HIPK1: variants seen among roughly 807,000 people sequenced by gnomAD.
The protein encoded by HIPK1 is homeodomain interacting protein kinase 1.
Under a neutral mutation model 117.1 loss-of-function variants are expected in HIPK1, and 28 were observed. That is an observed-to-expected ratio of 0.24 (90% CI 0.18 to 0.33). The LOEUF is 0.33. HIPK1 is among the 10% of genes least tolerant of loss of function. The pLI is 1.00. For synonymous variants in HIPK1, 605 were observed against 562.5 expected (o/e 1.08, Z -1.07); for missense variants, 1,122 against 1,475.1 (o/e 0.76, Z 3.92).
intron 5 of HIPK1, among the ~76,000 whole-genome samples, chr1:113,956,419 A>G (rs1342017426): frequency 6.6e-6 from 1 of 152,150 alleles, no homozygotes; most frequent in Non-Finnish European, 1.5e-5. Context: ...GCTTTCTTCT[A>G]CCACTCAATT....
Position 113,941,334 on chromosome 1 carries a change from G to A in HIPK1, c.951G>A (p.Lys317=), listed in dbSNP as rs772087728. ...KSLGLIHADL[K]PENIMLVDPV... is the part of the protein sequence containing the mutation. ...TTGGTCTGATCCACGCTGACCTTAAGCCTGAAAACATCATGCTGGTTGATC... is the reference window on the plus strand; with the variant it reads ...TTGGTCTGATCCACGCTGACCTTAAACCTGAAAACATCATGCTGGTTGATC... Residue 317 remains lysine, a synonymous_variant, in exon 2 of 16, where the codon AAG becomes AAA. Coordinates refer to ENST00000426820, the MANE Select transcript of HIPK1 (RefSeq NM_198268.3). This position sits in a 1 kb window ranked among gnomAD's most constrained non-coding sequence, Gnocchi z 4.9. 9 of 1,614,172 alleles carry A rather than the reference G, an allele frequency of 5.6e-6. No homozygotes were observed. The highest frequency in any genetic ancestry group is 7.6e-6 in the Non-Finnish European group (9 of 1,180,030).
rs1483350149 is a variant in HIPK1, at chr1:113,962,288, C to G, written c.1982-29C>G. 5.6e-6 allele frequency: 9 copies of G among 1,608,448 alleles called. No individual in the cohort carries two copies. The Admixed American group carries it at 1.3e-4, about 24-fold the overall frequency. Reference sequence around the variant, plus strand: ...AACAGTACTCCCAGACCTTGCAAAACTATTTAACTGTGATGCTGTTTTCAA... The same window carrying G: ...AACAGTACTCCCAGACCTTGCAAAAGTATTTAACTGTGATGCTGTTTTCAA... On this transcript the variant is annotated intron_variant, in intron 8 of 15. Coordinates refer to ENST00000426820, the MANE Select transcript of HIPK1 (RefSeq NM_198268.3).
At chr1:113,955,311 C>G (rs903467717) in intron 4 of HIPK1, among the ~76,000 whole-genome samples, 2 of 152,078 alleles carry the variant, frequency 1.3e-5, no homozygotes, top group African/African-American at 4.8e-5. Context: ...TGGTAGTGTC[C>G]CCTTTTACCT....
Position 113,976,397 on chromosome 1 carries a change from G to A in HIPK1, c.*2885G>A, listed in dbSNP as rs1346136768. 6.6e-6 allele frequency: 1 copy of A among 152,332 alleles called. No homozygotes were observed. Among genetic ancestry groups the A allele is most frequent in the African/African-American group, 2.4e-5 (1 of 41,418 alleles). The allele number at this position is 152,332 out of a possible 1,614,324, so 9.4% of individuals were successfully genotyped here. ...CTAAAGGACAAATTTTTTGTTCCTT[G>A]TCTTTTTTCTGTAAGGGACAAGATT... On this transcript the variant is annotated 3_prime_UTR_variant, in exon 16 of 16. Transcript: ENST00000426820.
intron 2 of HIPK1, among the ~76,000 whole-genome samples, chr1:113,949,176 G>C (rs1246781884): frequency 6.6e-6 from 1 of 152,080 alleles, no homozygotes; most frequent in Non-Finnish European, 1.5e-5. Context: ...TTATAGAGTG[G>C]CCTGGCCATT....
In HIPK1 at chr1:113,952,768, C is replaced by G; in HGVS notation, c.1079C>G (p.Ala360Gly). The G allele has an allele frequency of 6.9e-7, 1 of 1,456,106 alleles. No individual in the cohort carries two copies. The highest frequency in any genetic ancestry group is 2.5e-5 in the Admixed American group (1 of 40,082). The allele number at this position is 1,456,106 out of a possible 1,614,324, so 90.2% of individuals were successfully genotyped here. ...CTGATATTTTTTGTTTTTGCTAGAG[C>G]TCCTGAAATTATTCTTGGGTTACCA... ...STYLQSRYYR[A>G]PEIILGLPFC... The change falls in exon 3 of 16, where the codon GCT becomes GGT. Residue 360 changes from alanine (A) to glycine (G), a missense_variant and splice_region_variant. Physicochemically the swap from Ala to Gly is moderately conservative, Grantham distance 60. Around this residue, in one of 6 missense-constraint regions of HIPK1, gnomAD observed 127 missense variants for 197.9 expected, o/e 0.64. Coordinates refer to ENST00000426820, the MANE Select transcript of HIPK1 (RefSeq NM_198268.3).
chr1:113,938,656 C>G (rs1026463406), intron 1 of HIPK1, among the ~76,000 whole-genome samples: 9 of 151,866 alleles, frequency 5.9e-5, no homozygotes, highest in Admixed American at 4.6e-4. Context: ...CGCCTGTAAT[C>G]CCAGCACTTT....
chr1:113,939,340 T>TG (rs576367348), intron 1 of HIPK1, among the ~76,000 whole-genome samples: 34,159 of 140,606 alleles, frequency 0.24, 4,556 homozygotes, highest in Non-Finnish European at 0.31. Context: ...TTTTTTTTTT[T>TG]TTGTTGTTGT....
At chr1:113,943,328 C>T (rs1670773904) in intron 2 of HIPK1, among the ~76,000 whole-genome samples, 1 of 152,218 alleles carries the variant, frequency 6.6e-6, no homozygotes, top group Admixed American at 6.5e-5. Context: ...ATTTGACTTT[C>T]TGTCTCTATG....
intron 5 of HIPK1, 28 bp from the exon 6 acceptor site, chr1:113,956,599 A>T: frequency 6.4e-7 from 1 of 1,570,470 alleles, no homozygotes. Flanking sequence ...TTAAGTGAAG[A>T]AGTATAATTC....
rs146123876 is a variant in HIPK1 at position 113,946,860 on chromosome 1, A to T, written c.1076+5401A>T. On this transcript the variant is annotated intron_variant, in intron 2 of 15. Transcript: ENST00000426820. ...GAGTGTTCTGTTGTGTCACAGTAAT[A>T]CTTGATAATGAGCCTAAGGCAGATG... 1.7e-3 allele frequency among the ~76,000 whole-genome samples: 263 copies of T among 152,330 alleles called. 2 individuals are homozygous for T. Among genetic ancestry groups the T allele is most frequent in the African/African-American group, 6.0e-3 (249 of 41,570 alleles).
At chr1:113,944,322 C>G (rs545492139) in intron 2 of HIPK1, among the ~76,000 whole-genome samples, 1 of 151,302 alleles carries the variant, frequency 6.6e-6, no homozygotes, top group Non-Finnish European at 1.5e-5. Flanking sequence ...TGCCACCACA[C>G]CCAGCTAATT....
chr1:113,948,877 G>T (rs1292395286), intron 2 of HIPK1, among the ~76,000 whole-genome samples: 2 of 151,748 alleles, frequency 1.3e-5, no homozygotes, highest in South Asian at 2.1e-4. Flanking sequence ...TCGCTCTTAC[G>T]CCCAGTCTGG....
intron 13 of HIPK1, 80 bp from the exon 14 acceptor site, chr1:113,969,876 C>A: frequency 6.6e-7 from 1 of 1,526,094 alleles, no homozygotes; most frequent in Non-Finnish European, 8.9e-7. Flanking sequence ...CACTGCACTC[C>A]AGCCTGGGTG....
chr1:113,946,985 A>G (rs1671028360), intron 2 of HIPK1, among the ~76,000 whole-genome samples: 1 of 152,184 alleles, frequency 6.6e-6, no homozygotes. Context: ...AGAGTCCATT[A>G]AGTCCTCACC....
chr1:113,930,398 G>T (rs1188812082), intron 1 of HIPK1: 2 of 152,432 alleles, frequency 1.3e-5, no homozygotes, highest in Non-Finnish European at 2.9e-5. Context: ...ACGACAGTGG[G>T]GTGGGTGTGG....
At chr1:113,938,129 C>CTTT (rs565973812) in intron 1 of HIPK1, among the ~76,000 whole-genome samples, 3 of 131,336 alleles carry the variant, frequency 2.3e-5, no homozygotes, top group Non-Finnish European at 4.9e-5. Flanking sequence ...TTACACTTGG[C>CTTT]TTTTTTTTTT....
chr1:113,973,612 T>TCTTAGCCA lies in HIPK1; in HGVS notation c.*101_*108dup. 1 of 1,397,838 alleles carries TCTTAGCCA rather than the reference T, an allele frequency of 7.2e-7. No homozygotes were observed. The highest frequency in any genetic ancestry group is 1.6e-5 in the South Asian group (1 of 63,902). 86.6% of individuals were successfully genotyped at this position (1,397,838 alleles called of 1,614,324 possible). A position where few individuals can be genotyped will look rare whatever the true frequency, so the allele number is the denominator to read the frequency against. On this transcript the variant is annotated 3_prime_UTR_variant, in exon 16 of 16. Transcript: ENST00000426820. The stretch of plus-strand genomic sequence containing the variant: ...GATCCTCCTTTACCCTCTTGAAATT[T>TCTTAGCCA]CTTAGCCAGCAACTTGTTCTGCAGG...
At chr1:113,930,163 G>C (rs1182068944) in intron 1 of HIPK1, among the ~76,000 whole-genome samples, 2 of 152,236 alleles carry the variant, frequency 1.3e-5, no homozygotes, top group African/African-American at 4.8e-5. Flanking sequence ...CTCCGGGCTG[G>C]TTTTCGGGGC....
Sources: allele counts gnomAD v4.1 joint callset (sites outside exome capture counted in the v4.1 genomes callset), GRCh38; gene constraint gnomAD v4.1.1; regional missense constraint gnomAD v4.1.1; non-coding constraint Gnocchi (gnomAD v3.1); transcripts MANE v1.5; gene names NCBI Gene and HGNC (gene_info 2026-07-23, HGNC 2026-07-21).